The following PRMT8 variants were observed in gnomAD, a reference collection of about 807,000 sequenced individuals.
PRMT8 encodes protein arginine methyltransferase 8.
In PRMT8, 7 loss-of-function variants were observed where a neutral mutation model predicts 47.1. That is an observed-to-expected ratio of 0.15 (90% confidence interval 0.08 to 0.28). The LOEUF (loss-of-function observed/expected upper bound fraction) is 0.28, where lower values mean the gene tolerates loss of function less well. PRMT8 is among the 10% of genes least tolerant of loss of function. PRMT8 has a pLI of 1.00. For synonymous variants in PRMT8, 188 were observed against 186.5 expected (o/e 1.01, Z -0.07); for missense variants, 237 against 505.4 (o/e 0.47, Z 5.09).
At position 3,509,539 on chromosome 12, in the gene PRMT8, C is replaced by T. The variant is rs1190062821; in HGVS notation, c.75+17839C>T. 3.9e-5 allele frequency among the ~76,000 whole-genome samples: 6 copies of T among 152,304 alleles called. No homozygotes were observed. In the East Asian group the frequency reaches 9.6e-4, roughly 24 times the overall value. The stretch of plus-strand genomic sequence containing the variant: ...TGTTTATGCTCTTTACCACTGAACC[C>T]CAGCATCTACCACGATAGCTGGTGC... On this transcript the variant is annotated intron_variant, in intron 1 of 9. Coordinates refer to ENST00000382622, the MANE Select transcript of PRMT8 (RefSeq NM_019854.5).
At chr12:3,459,713 A>G (rs1865019457) in intron 1 of PRMT8, among the ~76,000 whole-genome samples, 1 of 152,146 alleles carries the variant, frequency 6.6e-6, no homozygotes, top group African/African-American at 2.4e-5. Flanking sequence ...GGAGAAGGGC[A>G]GGGGGTTGGT....
At chr12:3,410,743 G>A (rs988290708) in intron 1 of PRMT8, among the ~76,000 whole-genome samples, 2 of 152,094 alleles carry the variant, frequency 1.3e-5, no homozygotes, top group Non-Finnish European at 2.9e-5. Flanking sequence ...TCCTGACCTC[G>A]TGATCCACCC....
Position 3,514,235 on chromosome 12 carries a change from C to T in PRMT8, c.75+22535C>T, listed in dbSNP as rs1268312152. On this transcript the variant is annotated intron_variant, in intron 1 of 9. Transcript: ENST00000382622. This position sits in a 1 kb window ranked among gnomAD's most constrained non-coding sequence, Gnocchi z 5.9. The stretch of plus-strand genomic sequence containing the variant: ...CCTTTTTTTTTTTTTTCTGTTACCC[C>T]TAAGGTGCTCTTTTGTTCACCACAG... 1.3e-5 allele frequency among the ~76,000 whole-genome samples: 2 copies of T among 151,322 alleles called. No individual in the cohort carries two copies. Among genetic ancestry groups the T allele is most frequent in the Non-Finnish European group, 2.9e-5 (2 of 67,888 alleles).
Position 3,540,613 on chromosome 12 carries a change from G to GCCCCCCCGGCC in PRMT8, c.90_91insGGCCCCCCCCC (p.Ser31GlyfsTer39). On this transcript the variant is annotated frameshift_variant, in exon 2 of 10. Coordinates refer to ENST00000382622, the MANE Select transcript of PRMT8 (RefSeq NM_019854.5). LOFTEE classifies it high-confidence loss of function. Reference sequence around the variant, plus strand: ...CCCTTCTCTTCCCCTCAGGTGAACAGCCCCCCCTCCCAGCCCCCCCAGCCC... The same window carrying GCCCCCCCGGCC: ...CCCTTCTCTTCCCCTCAGGTGAACAGCCCCCCCGGCCCCCCCCCTCCCAGCCCCCCCAGCCC... The GCCCCCCCGGCC allele has an allele frequency of 6.2e-6, 7 of 1,130,522 alleles. No individual in the cohort carries two copies. Among genetic ancestry groups the GCCCCCCCGGCC allele is most frequent in the Non-Finnish European group, 9.3e-6 (7 of 752,492 alleles). 70.0% of individuals were successfully genotyped at this position (1,130,522 alleles called of 1,614,324 possible). A position where few individuals can be genotyped will look rare whatever the true frequency, so the allele number is the denominator to read the frequency against.
At chr12:3,573,900 A>G (rs1866893726) in intron 6 of PRMT8, 1 of 152,204 alleles carries the variant, frequency 6.6e-6, no homozygotes, top group Non-Finnish European at 1.5e-5. Flanking sequence ...CAAATAATTA[A>G]TGTGATTTAT....
At chr12:3,399,240 A>G (rs892581409) in intron 1 of PRMT8, among the ~76,000 whole-genome samples, 1 of 152,168 alleles carries the variant, frequency 6.6e-6, no homozygotes, top group African/African-American at 2.4e-5. Context: ...GGTATCATGA[A>G]CCCACAGGAC....
At chr12:3,586,815 G>A (rs1867185636) in intron 8 of PRMT8, among the ~76,000 whole-genome samples, 1 of 152,184 alleles carries the variant, frequency 6.6e-6, no homozygotes, top group South Asian at 2.1e-4. Context: ...CCTCACTCAG[G>A]TATACCCTCA....
chr12:3,528,437 T>G (rs1865977540), intron 1 of PRMT8, among the ~76,000 whole-genome samples: 1 of 152,236 alleles, frequency 6.6e-6, no homozygotes, highest in Non-Finnish European at 1.5e-5. Context: ...AATCTGCTAT[T>G]AACCTCAATC....
intron 1 of PRMT8, among the ~76,000 whole-genome samples, chr12:3,428,692 TTCTCTCTTTGACTTTCTGTCTC>T (rs1565405205): frequency 6.6e-6 from 1 of 152,176 alleles, no homozygotes; most frequent in Non-Finnish European, 1.5e-5. Flanking sequence ...CTGTATTTCT[TTCTCTCTTTGACTTTCTGTCTC>T]TCTCTCTTTG....
At chr12:3,480,486 A>C (rs1034534418) in intron 1 of PRMT8, among the ~76,000 whole-genome samples, 15 of 152,130 alleles carry the variant, frequency 9.9e-5, no homozygotes, top group Non-Finnish European at 1.9e-4. Flanking sequence ...AGAAATGAAA[A>C]CCAGGAATAC....
At chr12:3,515,299 C>A (rs1865773219) in intron 1 of PRMT8, among the ~76,000 whole-genome samples, 1 of 152,130 alleles carries the variant, frequency 6.6e-6, no homozygotes, top group Non-Finnish European at 1.5e-5. Context: ...AAAGTTAGGT[C>A]CACCCTCCAC....
rs937315223 is a variant in PRMT8, at chr12:3,593,334, G to A, written c.*152G>A. 2.3e-5 allele frequency: 15 copies of A among 643,974 alleles called. 1 individual carries two copies. The highest frequency in any genetic ancestry group is 3.7e-5 in the Non-Finnish European group (14 of 378,498). The allele number at this position is 643,974 out of a possible 1,614,324, so 39.9% of individuals were successfully genotyped here. A position where few individuals can be genotyped will look rare whatever the true frequency, so the allele number is the denominator to read the frequency against. On this transcript the variant is annotated 3_prime_UTR_variant, in exon 10 of 10. Transcript: ENST00000382622. The surrounding 1 kb of genome is among the most constrained non-coding windows in gnomAD (Gnocchi z 4.8). ...GATTGGTGAACTCCCCAGGGCTCCC[G>A]TGGGCTCTGCCACTGGACAGAAGGC...
chr12:3,496,214 A>ATATATATTTTTTTT, intron 1 of PRMT8, among the ~76,000 whole-genome samples: 4 of 27,776 alleles, frequency 1.4e-4, no homozygotes, highest in Non-Finnish European at 2.4e-4. Context: ...ATATATATAT[A>ATATATATTTTTTTT]TTTTTTTTTT....
chr12:3,522,775 T>A (rs1865899284), intron 1 of PRMT8, among the ~76,000 whole-genome samples: 3 of 142,514 alleles, frequency 2.1e-5, no homozygotes, highest in Admixed American at 6.9e-5. Flanking sequence ...GTCAAAAAAC[T>A]GGAAAACAAA....
intron 1 of PRMT8, chr12:3,469,067 A>G: frequency 2.2e-6 from 1 of 459,062 alleles, no homozygotes; most frequent in South Asian, 1.8e-5. Context: ...TAAGAAATTC[A>G]TCATTTGAAA....
chr12:3,440,878 C>T (rs1038197779), intron 1 of PRMT8, among the ~76,000 whole-genome samples: 8 of 152,144 alleles, frequency 5.3e-5, no homozygotes, highest in Admixed American at 4.6e-4. Context: ...AAAACAATGA[C>T]GATCTAATTG....
chr12:3,444,138 G>C (rs1864832889), intron 1 of PRMT8, among the ~76,000 whole-genome samples: 1 of 152,126 alleles, frequency 6.6e-6, no homozygotes, highest in African/African-American at 2.4e-5. Flanking sequence ...TCTCCTCTTA[G>C]CCCAGAACCC....
At chr12:3,444,813 G>A (rs564635717) in intron 1 of PRMT8, among the ~76,000 whole-genome samples, 1 of 152,366 alleles carries the variant, frequency 6.6e-6, no homozygotes, top group South Asian at 2.1e-4. Flanking sequence ...GGGCCAAGCT[G>A]AGGAAAAGCT....
At chr12:3,383,454 C>A (rs948230148) in intron 1 of PRMT8, among the ~76,000 whole-genome samples, 17 of 152,204 alleles carry the variant, frequency 1.1e-4, no homozygotes, top group Non-Finnish European at 1.8e-4. Flanking sequence ...CCTCAAAATT[C>A]ATATGTAGTG....
Sources: gnomAD v4.1 joint callset for allele counts (sites outside exome capture counted in the v4.1 genomes callset) on GRCh38, gnomAD v4.1.1 for gene constraint, Gnocchi (gnomAD v3.1) non-coding constraint, MANE v1.5 for transcripts, NCBI Gene and HGNC (gene_info 2026-07-23, HGNC 2026-07-21) for gene names.